Variants in PGGHG observed in about 807,000 individuals in gnomAD.
The protein encoded by PGGHG is ATH1, acid trehalase-like 1.
A neutral mutation model predicts 74.5 loss-of-function variants in PGGHG; 67 were observed. That is an observed-to-expected ratio of 0.90 (90% CI 0.74 to 1.10). The LOEUF (loss-of-function observed/expected upper bound fraction) is 1.10. PGGHG is among the 50% of genes least tolerant of loss of function. The pLI, the probability that PGGHG is intolerant of heterozygous loss-of-function variation, is 0.00. For missense variants in PGGHG, 1,034 were observed against 981.5 expected (o/e 1.05, Z -0.72); for synonymous variants, 496 against 419.9 (o/e 1.18, Z -2.21).
rs1217663718 is a variant in PGGHG, at chr11:290,835, G to A, written c.628G>A (p.Glu210Lys). The change falls in exon 4 of 14, where the codon GAG (glutamate) becomes AAG (lysine). Residue 210 changes from glutamate (E) to lysine (K), a missense_variant. Coordinates refer to ENST00000409548, the MANE Select transcript of PGGHG (RefSeq NM_025092.5). ...FLTAVGGSQAEAQACLTEALQ... is the reference protein window; with the variant it reads ...FLTAVGGSQAKAQACLTEALQ... ...GACAGCAGTGGGCGGCAGCCAGGCT[G>A]AGGCTCAGGCCTGCCTCACTGAGGC... 2 of 1,612,224 alleles carry A rather than the reference G, an allele frequency of 1.2e-6. No individual in the cohort carries two copies. The highest frequency in any genetic ancestry group is 1.7e-6 in the Non-Finnish European group (2 of 1,179,808).
At chr11:290,329 A>T (rs893409492) in intron 2 of PGGHG, 61 bp from the exon 3 acceptor site, 17 of 1,493,724 alleles carry the variant, frequency 1.1e-5, no homozygotes, top group Non-Finnish European at 1.5e-5. Flanking sequence ...CGGGTGGTCC[A>T]CTCCTGCCCC....
rs1845693730 is a variant in PGGHG at position 290,733 on chromosome 11, G to A, written c.526G>A (p.Val176Ile). ...GCAGCCCGGGGGGCCACAGCAAGAG[G>A]TACACATGCTGTGGACACCAGCACC... ...PEQPGGPQQE[V>I]HMLWTPAPPD... The change falls in exon 4 of 14, where the codon GTA becomes ATA. Residue 176 changes from valine to isoleucine, a missense_variant. By Grantham distance (29) the Val-to-Ile change is conservative. Transcript: ENST00000409548. The A allele has an allele frequency of 1.2e-6, 2 of 1,609,046 alleles. No individual in the cohort carries two copies. The highest frequency in any genetic ancestry group is 2.7e-5 in the African/African-American group (2 of 74,868).
intron 2 of PGGHG, 128 bp downstream of exon 2, chr11:290,203 C>A: frequency 7.2e-7 from 1 of 1,397,820 alleles, no homozygotes; most frequent in South Asian, 1.5e-5. Flanking sequence ...CAGGAGGCCC[C>A]AGAGGCCCGC....
Position 295,749 on chromosome 11 carries a change from C to G in PGGHG, c.*1000C>G, listed in dbSNP as rs1386919401. The G allele has an allele frequency of 6.6e-6, 1 of 152,296 alleles. No homozygotes were observed. The highest frequency in any genetic ancestry group is 1.9e-4 in the East Asian group (1 of 5,204). The allele number at this position is 152,296 out of a possible 1,614,324, so 9.4% of individuals were successfully genotyped here. A position where few individuals can be genotyped will look rare whatever the true frequency, so the allele number is the denominator to read the frequency against. On this transcript the variant is annotated 3_prime_UTR_variant, in exon 14 of 14. Transcript: ENST00000409548. The stretch of plus-strand genomic sequence containing the variant: ...GCCCCGGGTCCCATTTCTCCTTTCA[C>G]TTGAGTCGGGAAGCACAGCAACTTT...
chr11:289,940 G>C lies in PGGHG; in HGVS notation c.124G>C (p.Val42Leu), dbSNP rs1291685096. The C allele has an allele frequency of 6.4e-7, 1 of 1,550,750 alleles. No individual in the cohort carries two copies. Residue 42 changes from valine (V) to leucine (L), a missense_variant, in exon 2 of 14, where the codon GTG (valine) becomes CTG (leucine). Transcript: ENST00000409548. This position sits in a 1 kb window ranked among gnomAD's most constrained non-coding sequence, Gnocchi z 5.6. ...ACGAGTGTTTCACGACACGCTGCAC[G>C]TGAGCGGCGTGTACAATGGGGCTGG... is the stretch of plus-strand genomic sequence containing the variant. ...GTRVFHDTLH[V>L]SGVYNGAGGD...
At chr11:293,139 A>G in intron 7 of PGGHG, 24 bp from the exon 8 acceptor site, 1 of 1,613,758 alleles carries the variant, frequency 6.2e-7, no homozygotes, top group Non-Finnish European at 8.5e-7. Flanking sequence ...TGCACTGAGC[A>G]CCATCTTGGA....
chr11:293,022 C>G (rs777871404), intron 7 of PGGHG, 25 bp downstream of exon 7: 1 of 1,613,634 alleles, frequency 6.2e-7, no homozygotes, highest in Non-Finnish European at 8.5e-7. Context: ...GGGAGGGGCT[C>G]GGGGAGGAAG....
rs561994053 is a variant in PGGHG, at chr11:294,236, C to T, written c.1809-31C>T. On this transcript the variant is annotated intron_variant, in intron 12 of 13. Transcript: ENST00000409548. Reference sequence around the variant, plus strand: ...TGGCAGAGGGCAGCCCATGCCCCCACCTGCCACCTCACAAGCCTCTCCTCC... The same window carrying T: ...TGGCAGAGGGCAGCCCATGCCCCCATCTGCCACCTCACAAGCCTCTCCTCC... The T allele has an allele frequency of 1.1e-5, 17 of 1,593,170 alleles. No individual in the cohort carries two copies. The African/African-American group carries it at 2.1e-4, about 20-fold the overall frequency.
At position 293,173 on chromosome 11, in the gene PGGHG, C is replaced by T; in HGVS notation, c.1281C>T (p.Ser427=). ...GACTTGTGTGTCCAGGAGTCATGTC[C>T]CCCGACGAGTACCATTCAGGGGTCA... is the stretch of plus-strand genomic sequence containing the variant. ...EEKYHLRGVM[S]PDEYHSGVNN... is the part of the protein sequence containing the mutation. The change falls in exon 8 of 14, where the codon TCC becomes TCT. Residue 427 remains serine (S), a synonymous_variant. Transcript: ENST00000409548. 2.5e-6 allele frequency: 4 copies of T among 1,613,888 alleles called. No individual in the cohort carries two copies. Among genetic ancestry groups the T allele is most frequent in the South Asian group, 1.1e-5 (1 of 91,082 alleles).
chr11:294,708 AG>A lies in PGGHG; in HGVS notation c.2174del (p.Ser725ThrfsTer41). The A allele has an allele frequency of 6.2e-7, 1 of 1,611,254 alleles. No homozygotes were observed. Reference protein sequence around the residue: ...SPLWVTLGSSSPTESLTVDPA... With the variant: ...SPLWVTLGSSXPTESLTVDPA... The stretch of plus-strand genomic sequence containing the variant: ...CCTCTGGGTCACCCTGGGTTCCTCC[AG>A]CCCCACCGAGTCACTCACTGTGGAC... On this transcript the variant is annotated frameshift_variant, in exon 14 of 14. Transcript: ENST00000409548. LOFTEE classifies it low-confidence loss of function (END_TRUNC).
chr11:293,968 G>T, intron 11 of PGGHG, 43 bp downstream of exon 11: 1 of 1,599,646 alleles, frequency 6.3e-7, no homozygotes, highest in South Asian at 1.1e-5. Context: ...CCCTTGTGGT[G>T]GGAGTGGAGC....
rs1029891495 is a variant in PGGHG at position 289,866 on chromosome 11, C to T, written c.50C>T (p.Pro17Leu). 16 of 1,551,032 alleles carry T rather than the reference C, an allele frequency of 1.0e-5. No homozygotes were observed. In the Admixed American group the frequency reaches 2.9e-4, roughly 29 times the overall value. Residue 17 changes from proline (P) to leucine (L), a missense_variant, in exon 2 of 14, where the codon CCC (proline) becomes CTC (leucine). Pro to Leu is a moderately conservative substitution (Grantham distance 98). Coordinates refer to ENST00000409548, the MANE Select transcript of PGGHG (RefSeq NM_025092.5). This position sits in a 1 kb window ranked among gnomAD's most constrained non-coding sequence, Gnocchi z 5.6. Reference sequence around the variant, plus strand: ...ACCACGTTTGCTGCCCACTCTCTGCCCAGTGACCCCCGTCTCTTGGCCACT... The same window carrying T: ...ACCACGTTTGCTGCCCACTCTCTGCTCAGTGACCCCCGTCTCTTGGCCACT... ...DPTTFAAHSL[P>L]SDPRLLATVT...
In PGGHG at chr11:292,638, C is replaced by T. The variant is rs193253835; in HGVS notation, c.1119C>T (p.Ala373=). The T allele has an allele frequency of 2.9e-5, 46 of 1,613,792 alleles. No individual in the cohort carries two copies. Among genetic ancestry groups the T allele is most frequent in the Admixed American group, 1.8e-4 (11 of 60,022 alleles). The change falls in exon 6 of 14, where the codon GCC becomes GCT. Residue 373 remains alanine, a synonymous_variant. Coordinates refer to ENST00000409548, the MANE Select transcript of PGGHG (RefSeq NM_025092.5). ...TCCAGGAGGTCCACGTCAACGGGGC[C>T]GTGGTGTTGGCCTTCGAGCTGTACT... The part of the protein sequence containing the change: ...YGVQEVHVNG[A]VVLAFELYYH...
Position 289,762 on chromosome 11 carries a change from C to T in PGGHG, c.-13-42C>T, listed in dbSNP as rs1017530084. On this transcript the variant is annotated intron_variant, in intron 1 of 13. Transcript: ENST00000409548. This position sits in a 1 kb window ranked among gnomAD's most constrained non-coding sequence, Gnocchi z 5.6. The stretch of plus-strand genomic sequence containing the variant: ...TACAGACGGTCTCAAGAGGGAGGCC[C>T]AGCCAGTCCCGCGGCCCCTGACACC... 15 of 1,513,826 alleles carry T rather than the reference C, an allele frequency of 9.9e-6. No individual in the cohort carries two copies. The South Asian group carries it at 1.0e-4, about 10-fold the overall frequency. The allele number at this position is 1,513,826 out of a possible 1,614,324, so 93.8% of individuals were successfully genotyped here. A position where few individuals can be genotyped will look rare whatever the true frequency, so the allele number is the denominator to read the frequency against.
chr11:291,142 C>A, intron 4 of PGGHG, 29 bp downstream of exon 4: 1 of 1,530,332 alleles, frequency 6.5e-7, no homozygotes, highest in South Asian at 1.3e-5. Context: ...GCACCAGCCA[C>A]ACAGCAGGCG....
intron 8 of PGGHG, 22 bp from the exon 9 acceptor site, chr11:293,344 C>T: frequency 6.2e-7 from 1 of 1,608,568 alleles, no homozygotes. Context: ...TTGCAGCCTC[C>T]CCCACCTACC....
intron 2 of PGGHG, 28 bp from the exon 3 acceptor site, chr11:290,362 C>A (rs1212404464): frequency 1.3e-6 from 2 of 1,534,414 alleles, no homozygotes; most frequent in African/African-American, 1.4e-5. Flanking sequence ...GCTTGGCAAC[C>A]CACCTGCCTT....
At position 294,170 on chromosome 11, in the gene PGGHG, G is replaced by A. The variant is rs745854083; in HGVS notation, c.1782G>A (p.Ala594=). 4.3e-6 allele frequency: 7 copies of A among 1,612,250 alleles called. No individual in the cohort carries two copies. The highest frequency in any genetic ancestry group is 2.2e-5 in the East Asian group (1 of 44,896). The part of the protein sequence containing the change: ...FLTGMGGFLQ[A]VVFGCTGFRV... Reference sequence around the variant, plus strand: ...CAGGCATGGGGGGCTTCCTGCAGGCGGTGGTCTTCGGGTGCACGGGGTTCA... The same window carrying A: ...CAGGCATGGGGGGCTTCCTGCAGGCAGTGGTCTTCGGGTGCACGGGGTTCA... The change falls in exon 12 of 14, where the codon GCG becomes GCA. Residue 594 remains alanine, a synonymous_variant. Transcript: ENST00000409548.
At position 295,616 on chromosome 11, in the gene PGGHG, G is replaced by A. The variant is rs550767931; in HGVS notation, c.*867G>A. ...CATCTGCTGCTGAAACCCTGATGAG[G>A]ACCAGGCCCCCTGCACCGCTGTCAG... On this transcript the variant is annotated 3_prime_UTR_variant, in exon 14 of 14. Transcript: ENST00000409548. 6.6e-6 allele frequency: 1 copy of A among 152,424 alleles called. No homozygotes were observed. Among genetic ancestry groups the A allele is most frequent in the African/African-American group, 2.4e-5 (1 of 41,578 alleles). The allele number at this position is 152,424 out of a possible 1,614,324, so 9.4% of individuals were successfully genotyped here.
Sources: gnomAD v4.1 joint callset for allele counts on GRCh38, gnomAD v4.1.1 for gene constraint, Gnocchi (gnomAD v3.1) non-coding constraint, MANE v1.5 for transcripts, NCBI Gene and HGNC (gene_info 2026-07-23, HGNC 2026-07-21) for gene names.